Variants in MBTPS2 observed in about 807,000 individuals in gnomAD.
MBTPS2 encodes membrane-bound transcription factor site-2 protease.
MBTPS2 carries 2 observed loss-of-function variants against 35.4 expected under a neutral mutation model. The ratio of observed to expected loss-of-function variants is 0.06; its 90% CI spans 0.02 to 0.18. The LOEUF (loss-of-function observed/expected upper bound fraction) is 0.18. Ranked by LOEUF, MBTPS2 falls within the 10% of genes least tolerant of loss-of-function variation. The pLI is 1.00. For missense variants in MBTPS2, 244 were observed against 386.5 expected, an observed-to-expected ratio of 0.63 and a Z score of 3.09; for synonymous variants, 125 against 140.4, an observed-to-expected ratio of 0.89 and a Z score of 0.77.
intron 5 of MBTPS2, among the ~76,000 whole-genome samples, chrX:21,855,729 G>A (rs73195141): frequency 0.087 from 9,513 of 109,713 alleles, 320 homozygotes; most frequent in East Asian, 0.12. Flanking sequence ...TGCTGTGCCC[G>A]GCCCAGCTAC....
chrX:21,857,724 C>A, intron 5 of MBTPS2: 1 of 818,718 alleles, frequency 1.2e-6, no homozygotes, highest in Non-Finnish European at 1.7e-6. Context: ...GAATCCTGCA[C>A]ATTTAAGGTT....
rs1215035495 is a variant in MBTPS2 at position 21,883,361 on chromosome X, T to C, written c.*706T>C. ...TGCCCCCTCATAAAGCAGCACTAGC[T>C]TTGACATCCACGGTGAGCTGCAGGA... On this transcript the variant is annotated 3_prime_UTR_variant, in exon 11 of 11. Coordinates refer to ENST00000379484, the MANE Select transcript of MBTPS2 (RefSeq NM_015884.4). The C allele has an allele frequency of 1.3e-6, 1 of 755,036 alleles. No homozygotes were observed. The highest frequency in any genetic ancestry group is 8.5e-5 in the Admixed American group (1 of 11,783). The allele number at this position is 755,036 out of a possible 1,213,427, so 62.2% of individuals were successfully genotyped here.
intron 5 of MBTPS2, among the ~76,000 whole-genome samples, chrX:21,866,889 C>T (rs899322104): frequency 1.8e-4 from 20 of 109,032 alleles, no homozygotes; most frequent in Non-Finnish European, 3.4e-4. Flanking sequence ...ATTAGCCGGG[C>T]GTGGTGGTGG....
chrX:21,844,799 C>T (rs1383784213), intron 2 of MBTPS2, among the ~76,000 whole-genome samples: 5 of 111,669 alleles, frequency 4.5e-5, no homozygotes, highest in East Asian at 2.8e-4. Flanking sequence ...AGCTGAAATA[C>T]GATGCAGACA....
chrX:21,866,016 G>A (rs993390244), intron 5 of MBTPS2, among the ~76,000 whole-genome samples: 2 of 110,762 alleles, frequency 1.8e-5, no homozygotes, highest in African/African-American at 6.6e-5. Context: ...TGTCACCCAG[G>A]CTGGTCTCAA....
At position 21,845,379 on chromosome X, in the gene MBTPS2, G is replaced by A. The variant is rs1475596840; in HGVS notation, c.433G>A (p.Val145Ile). 4 of 1,198,179 alleles carry A rather than the reference G, an allele frequency of 3.3e-6. No individual in the cohort carries two copies. Among genetic ancestry groups the A allele is most frequent in the Admixed American group, 4.5e-5 (2 of 44,445 alleles). The change falls in exon 3 of 11, where the codon GTT becomes ATT. Residue 145 changes from valine to isoleucine, a missense_variant. Transcript: ENST00000379484. ...SSLHNEQVLQVVVPGINLPVN... is the reference protein window; with the variant it reads ...SSLHNEQVLQIVVPGINLPVN... ...GCTTCACAATGAACAGGTGTTACAA[G>A]TTGTGGTAAGTATCGTCTTTTCGCT...
intron 10 of MBTPS2, among the ~76,000 whole-genome samples, 177 bp from the exon 11 acceptor site, chrX:21,882,256 T>C (rs2092960296): frequency 1.8e-5 from 2 of 110,884 alleles, no homozygotes; most frequent in Non-Finnish European, 3.8e-5. Context: ...TTTGAAATAA[T>C]ATAAACTCAT....
At chrX:21,878,453 T>C (rs2092955434) in intron 8 of MBTPS2, 44 bp from the exon 9 acceptor site, 5 of 995,400 alleles carry the variant, frequency 5.0e-6, no homozygotes, top group Non-Finnish European at 7.1e-6. Context: ...CTTAGGTTTT[T>C]CTTAATCATT....
chrX:21,854,991 GC>G (rs1350789034), intron 5 of MBTPS2, among the ~76,000 whole-genome samples: 1 of 112,177 alleles, frequency 8.9e-6, no homozygotes, highest in Admixed American at 9.5e-5. Flanking sequence ...TTAAAGTTTT[GC>G]TAAAAGAAAA....
At chrX:21,856,403 C>G (rs937889302) in intron 5 of MBTPS2, 9 of 1,081,822 alleles carry the variant, frequency 8.3e-6, no homozygotes, top group East Asian at 6.1e-5. Flanking sequence ...TCGCCCCTTC[C>G]TCTGCAGCTC....
intron 3 of MBTPS2, among the ~76,000 whole-genome samples, chrX:21,848,786 A>G (rs2092911404): frequency 8.9e-6 from 1 of 112,305 alleles, no homozygotes; most frequent in Admixed American, 9.4e-5. Flanking sequence ...AATTTAGAAA[A>G]TGATTCAAGC....
At chrX:21,862,347 T>G (rs7060216) in intron 5 of MBTPS2, among the ~76,000 whole-genome samples, 2,217 of 110,363 alleles carry the variant, frequency 0.02, 64 homozygotes, top group African/African-American at 0.07. Flanking sequence ...TGCACCGTGG[T>G]CAGTTTCAAG....
intron 7 of MBTPS2, 171 bp downstream of exon 7, chrX:21,869,849 A>G: frequency 2.3e-6 from 1 of 444,332 alleles, no homozygotes; most frequent in Admixed American, 3.7e-5. Flanking sequence ...GGATGCTAAT[A>G]TGTGTTTCCT....
chrX:21,856,827 C>A, intron 5 of MBTPS2: 1 of 1,211,789 alleles, frequency 8.3e-7, no homozygotes, highest in South Asian at 1.8e-5. Context: ...TGAAGACGAG[C>A]ACTTCCAGAT....
chrX:21,855,705 T>A (rs1385937057), intron 5 of MBTPS2, among the ~76,000 whole-genome samples: 1 of 110,817 alleles, frequency 9.0e-6, no homozygotes, highest in African/African-American at 3.3e-5. Flanking sequence ...GTGCTGGGAT[T>A]ACAGGTGTGG....
chrX:21,855,134 A>G (rs1191965356), intron 5 of MBTPS2, among the ~76,000 whole-genome samples: 1 of 111,750 alleles, frequency 8.9e-6, no homozygotes, highest in Non-Finnish European at 1.9e-5. Flanking sequence ...GCAGAAAATA[A>G]TAAATTAGAA....
In MBTPS2 at chrX:21,840,273, C is replaced by T. The variant is rs749388089; in HGVS notation, c.75+464C>T. Among the ~76,000 whole-genome samples, 3 of 112,789 alleles carry T rather than the reference C, an allele frequency of 2.7e-5. No individual in the cohort carries two copies. The Admixed American group carries it at 2.8e-4, about 11-fold the overall frequency. On this transcript the variant is annotated intron_variant, in intron 1 of 10. Coordinates refer to ENST00000379484, the MANE Select transcript of MBTPS2 (RefSeq NM_015884.4). The stretch of plus-strand genomic sequence containing the variant: ...CAAATTTTTAAATGCATATGATCAT[C>T]TGGTTTGCGGTCAAAATGCAGATTC...
At chrX:21,851,417 T>A (rs1165949206) in intron 3 of MBTPS2, 92 bp from the exon 4 acceptor site, 1 of 576,460 alleles carries the variant, frequency 1.7e-6, no homozygotes, top group African/African-American at 2.2e-5. Flanking sequence ...CTTGAAGGTT[T>A]AATACAGAAT....
Position 21,844,109 on chromosome X carries a change from CAAATAAATAAAT to C in MBTPS2, c.224+825_224+836del, listed in dbSNP as rs57351369. Among the ~76,000 whole-genome samples the C allele has an allele frequency of 2.3e-3, 226 of 96,463 alleles. 3 individuals carry two copies. The South Asian group carries it at 0.04, about 17-fold the overall frequency. 83.8% of individuals were successfully genotyped at this position (96,463 alleles called of 115,157 possible). Reference sequence around the variant, plus strand: ...TGTGTGACACAGCAAGACCCTATCTCAAATAAATAAATAAATAAATAAATAAATAAATAAATA... The same window carrying C: ...TGTGTGACACAGCAAGACCCTATCTCAAATAAATAAATAAATAAATAAATA... On this transcript the variant is annotated intron_variant, in intron 2 of 10. Transcript: ENST00000379484.
Sources: allele counts gnomAD v4.1 joint callset (sites outside exome capture counted in the v4.1 genomes callset), GRCh38; gene constraint gnomAD v4.1.1; transcripts MANE v1.5; gene names NCBI Gene and HGNC (gene_info 2026-07-23, HGNC 2026-07-21).